Variants in ATF2 observed in about 807,000 individuals in gnomAD.
ATF2 encodes the protein activating transcription factor 2.
A neutral mutation model predicts 60.6 loss-of-function variants in ATF2; 24 were observed. The ratio of observed to expected loss-of-function variants is 0.40; its 90% CI spans 0.29 to 0.56. ATF2 has a LOEUF of 0.56. Among genes scored for constraint, ATF2 ranks in the 20% least tolerant of loss-of-function variants. The probability of loss-of-function intolerance (pLI) is 0.54; values close to 1 mark genes in which losing one functional copy is unlikely to be tolerated. For missense variants in ATF2, 433 were observed against 607.7 expected (o/e 0.71, Z 3.02); for synonymous variants, 206 against 215.4 (o/e 0.96, Z 0.38).
chr2:175,108,405 G>A (rs1476296373), intron 10 of ATF2, among the ~76,000 whole-genome samples: 8 of 151,080 alleles, frequency 5.3e-5, no homozygotes, highest in East Asian at 2.0e-4. Flanking sequence ...CGCCCCGTCC[G>A]GGAGGGAGGT....
intron 2 of ATF2, among the ~76,000 whole-genome samples, chr2:175,139,342 T>C (rs2105776002): frequency 6.6e-6 from 1 of 152,278 alleles, no homozygotes; most frequent in Middle Eastern, 3.4e-3. Context: ...ACTCTGCATC[T>C]TGGAGAAGCT....
rs1693701944 is a variant in ATF2 at position 175,080,661 on chromosome 2, A to G, written c.1290T>C (p.His430=). The G allele has an allele frequency of 1.2e-6, 2 of 1,612,326 alleles. No homozygotes were observed. The highest frequency in any genetic ancestry group is 2.2e-5 in the South Asian group (2 of 90,972). Residue 430 remains histidine, a splice_region_variant and synonymous_variant, in exon 13 of 14, where the codon CAT becomes CAC. Coordinates refer to ENST00000264110, the MANE Select transcript of ATF2 (RefSeq NM_001880.4). ...TATAGGTAATGGAACATTACTCACT[A>G]TGATAGCCAGATTTCTTCTGCATGG... The part of the protein sequence containing the change: ...VTAMQKKSGY[H]TADKDDSSED...
intron 1 of ATF2, among the ~76,000 whole-genome samples, chr2:175,158,234 A>ATTTT (rs34664149): frequency 5.3e-5 from 7 of 132,712 alleles, no homozygotes; most frequent in African/African-American, 1.7e-4. Flanking sequence ...TGAATTCAGG[A>ATTTT]TTTTTTTTTT....
In ATF2 at chr2:175,074,986, G is replaced by A. The variant is rs2105516291; in HGVS notation, c.1292-151C>T. 6 of 1,509,152 alleles carry A rather than the reference G, an allele frequency of 4.0e-6. No individual in the cohort carries two copies. In the South Asian group the frequency reaches 7.4e-5, roughly 18 times the overall value. 93.5% of individuals were successfully genotyped at this position (1,509,152 alleles called of 1,614,324 possible). ...TACAGCAATTGATATAGGTCATGAA[G>A]TAGGCAATTTTACCTGCAATAGGTC... On this transcript the variant is annotated intron_variant, in intron 13 of 13. Coordinates refer to ENST00000264110, the MANE Select transcript of ATF2 (RefSeq NM_001880.4).
At chr2:175,126,836 T>A (rs1214053255) in intron 4 of ATF2, 1 of 152,186 alleles carries the variant, frequency 6.6e-6, no homozygotes, top group Non-Finnish European at 1.5e-5. Flanking sequence ...TTAGCTGTAC[T>A]TCAGGGATTA....
intron 12 of ATF2, among the ~76,000 whole-genome samples, chr2:175,089,919 C>T (rs1694429472): frequency 6.6e-6 from 1 of 152,122 alleles, no homozygotes; most frequent in Non-Finnish European, 1.5e-5. Context: ...TATACCTATA[C>T]ATTTACCCAT....
At chr2:175,092,438 G>A (rs1694614240) in intron 12 of ATF2, 2 of 166,688 alleles carry the variant, frequency 1.2e-5, no homozygotes, top group South Asian at 1.6e-4. Context: ...AACAGATTCG[G>A]TGCTGCCTTA....
chr2:175,108,437 C>T (rs1695891111), intron 10 of ATF2, among the ~76,000 whole-genome samples: 2 of 150,172 alleles, frequency 1.3e-5, no homozygotes, highest in African/African-American at 4.9e-5. Flanking sequence ...CCCCGCCCGG[C>T]CAGCAGCCCC....
intron 5 of ATF2, 124 bp from the exon 6 acceptor site, chr2:175,118,493 C>T: frequency 1.3e-6 from 1 of 789,874 alleles, no homozygotes; most frequent in Non-Finnish European, 1.9e-6. Context: ...TTTGGAAAGA[C>T]CTCTTCCTTT....
rs1186985164 is a variant in ATF2, at chr2:175,114,790, G to A, written c.526C>T (p.Leu176Phe). 3.1e-6 allele frequency: 5 copies of A among 1,614,024 alleles called. No homozygotes were observed. In the South Asian group the frequency reaches 5.5e-5, roughly 18 times the overall value. ...ATTACACTTGAGTCAGAACTTGTAAGCAGCACATTGGGAACCTGTAATGAT... is the reference window on the plus strand; with the variant it reads ...ATTACACTTGAGTCAGAACTTGTAAACAGCACATTGGGAACCTGTAATGAT... ...PASLQVPNVL[L>F]TSSDSSVIIQ... is the part of the protein sequence containing the mutation. The change falls in exon 8 of 14, where the codon CTT becomes TTT. Residue 176 changes from leucine to phenylalanine, a missense_variant. This residue lies in a region of ATF2 where 246 missense variants were observed against 309.3 expected (regional missense o/e 0.80). Coordinates refer to ENST00000264110, the MANE Select transcript of ATF2 (RefSeq NM_001880.4).
At chr2:175,154,519 A>G (rs1001411909) in intron 1 of ATF2, among the ~76,000 whole-genome samples, 21 of 152,306 alleles carry the variant, frequency 1.4e-4, no homozygotes, top group African/African-American at 4.8e-4. Flanking sequence ...ATAATGATTA[A>G]AAAGTATATT....
intron 9 of ATF2, 146 bp from the exon 10 acceptor site, chr2:175,111,800 T>A (rs1467151026): frequency 1.6e-6 from 1 of 627,480 alleles, no homozygotes; most frequent in Non-Finnish European, 2.6e-6. Context: ...TACCAAATCC[T>A]TATTTGGTCT....
intron 5 of ATF2, among the ~76,000 whole-genome samples, chr2:175,119,378 C>A (rs1696796455): frequency 6.6e-6 from 1 of 151,476 alleles, no homozygotes; most frequent in African/African-American, 2.4e-5. Context: ...AGAGAAAATA[C>A]TCCTAATTCC....
chr2:175,080,907 A>C lies in ATF2; in HGVS notation c.1186-142T>G, dbSNP rs553057365. ...GAAAATATGCTGATTAAATATGTCT[A>C]ATCAGCACAGGGCAGCTTTTATATT... On this transcript the variant is annotated intron_variant, in intron 12 of 13. Transcript: ENST00000264110. 490 of 586,306 alleles carry C rather than the reference A, an allele frequency of 8.4e-4. 3 individuals are homozygous for C. The highest frequency in any genetic ancestry group is 2.5e-3 in the East Asian group (88 of 35,630). The allele number at this position is 586,306 out of a possible 1,614,324, so 36.3% of individuals were successfully genotyped here.
intron 10 of ATF2, among the ~76,000 whole-genome samples, chr2:175,100,497 C>G (rs1308652330): frequency 1.3e-5 from 2 of 152,140 alleles, no homozygotes; most frequent in African/African-American, 4.8e-5. Context: ...AGACTCTCCT[C>G]CCCATCTAAT....
chr2:175,100,758 G>T (rs1481327621), intron 10 of ATF2, among the ~76,000 whole-genome samples: 1 of 152,008 alleles, frequency 6.6e-6, no homozygotes. Context: ...TCCTTCCTTT[G>T]TTCTCCTCTG....
chr2:175,101,575 T>C (rs1219694898), intron 10 of ATF2, among the ~76,000 whole-genome samples: 3 of 152,220 alleles, frequency 2.0e-5, no homozygotes, highest in Non-Finnish European at 4.4e-5. Context: ...TTTAAAGTTT[T>C]ACAGTGAAGA....
chr2:175,089,126 G>C (rs1452462848), intron 12 of ATF2, among the ~76,000 whole-genome samples: 3 of 151,928 alleles, frequency 2.0e-5, no homozygotes, highest in African/African-American at 4.8e-5. Flanking sequence ...GTTGCAGTGA[G>C]CTGAGATTGC....
intron 2 of ATF2, among the ~76,000 whole-genome samples, chr2:175,141,024 A>T (rs59777892): frequency 0.056 from 5,610 of 100,670 alleles, 258 homozygotes; most frequent in Middle Eastern, 0.071. Context: ...AAAAAAAAAA[A>T]AAAAAAATAT....
Sources: allele counts gnomAD v4.1 joint callset (sites outside exome capture counted in the v4.1 genomes callset), GRCh38; gene constraint gnomAD v4.1.1; regional missense constraint gnomAD v4.1.1; transcripts MANE v1.5; gene names NCBI Gene and HGNC (gene_info 2026-07-23, HGNC 2026-07-21).